SDC1: variants seen among roughly 807,000 people sequenced by gnomAD.
SDC1 encodes syndecan 1, also known as syndecan-1.
A neutral mutation model predicts 29.7 loss-of-function variants in SDC1; 14 were observed. The ratio of observed to expected loss-of-function variants is 0.47; its 90% CI spans 0.31 to 0.74. SDC1 has a LOEUF of 0.74. Ranked by LOEUF, SDC1 falls within the 30% of genes least tolerant of loss-of-function variation. SDC1 has a pLI of 0.05. For synonymous variants in SDC1, 204 were observed against 175.5 expected (o/e 1.16, Z -1.29); for missense variants, 406 against 400.3 (o/e 1.01, Z -0.12).
At chr2:20,222,612 C>T (rs1677857802) in intron 1 of SDC1, among the ~76,000 whole-genome samples, 1 of 152,170 alleles carries the variant, frequency 6.6e-6, no homozygotes, top group Non-Finnish European at 1.5e-5. Context: ...CAGGGAGTCT[C>T]CCTCCTTTCC....
chr2:20,224,057 G>C lies in SDC1; in HGVS notation c.66+745C>G. 1 of 272,330 alleles carries C rather than the reference G, an allele frequency of 3.7e-6. No homozygotes were observed. The highest frequency in any genetic ancestry group is 4.8e-5 in the Admixed American group (1 of 20,620). 16.9% of individuals were successfully genotyped at this position (272,330 alleles called of 1,614,324 possible). A position where few individuals can be genotyped will look rare whatever the true frequency, so the allele number is the denominator to read the frequency against. On this transcript the variant is annotated intron_variant, in intron 1 of 4. Coordinates refer to ENST00000254351, the MANE Select transcript of SDC1 (RefSeq NM_002997.5). This position sits in a 1 kb window ranked among gnomAD's most constrained non-coding sequence, Gnocchi z 4.9. ...TCGCGTGGAAGGCGCCTGCGCCTCG[G>C]CCGTGCCCGGCACGGGAACGCGCCC...
intron 1 of SDC1, among the ~76,000 whole-genome samples, chr2:20,213,763 G>A (rs1485826235): frequency 6.6e-6 from 1 of 152,368 alleles, no homozygotes; most frequent in East Asian, 1.9e-4. Context: ...GGGCACCTCT[G>A]CCAGATGGAC....
chr2:20,206,904 C>G (rs1486167106), intron 1 of SDC1, among the ~76,000 whole-genome samples: 1 of 152,212 alleles, frequency 6.6e-6, no homozygotes, highest in Non-Finnish European at 1.5e-5. Context: ...TGCCAGCAGG[C>G]CTGTCTAGAA....
At position 20,205,413 on chromosome 2, in the gene SDC1, A is replaced by G; in HGVS notation, c.78T>C (p.Ala26=). ...CTTGATCTTCAGGGGGCAAATTAGT[A>G]GCCACAATTTGCTGGAAAAGGATCA... ...SLQPALPQIV[A]TNLPPEDQDG... is the part of the protein sequence containing the mutation. The change falls in exon 2 of 5, where the codon GCT becomes GCC. Residue 26 remains alanine (A), a synonymous_variant. Transcript: ENST00000254351. 1 of 1,613,710 alleles carries G rather than the reference A, an allele frequency of 6.2e-7. No individual in the cohort carries two copies. Among genetic ancestry groups the G allele is most frequent in the Non-Finnish European group, 8.5e-7 (1 of 1,179,644 alleles).
intron 4 of SDC1, 76 bp from the exon 5 acceptor site, chr2:20,203,011 C>A: frequency 6.4e-7 from 1 of 1,566,772 alleles, no homozygotes; most frequent in Non-Finnish European, 8.7e-7. Flanking sequence ...AAAGCAGTGG[C>A]CTTGGCTGTG....
rs1456881749 is a variant in SDC1, at chr2:20,204,203, T to C, written c.237A>G (p.Glu79=). Residue 79 remains glutamate (E), a synonymous_variant, in exon 3 of 5, where the codon GAA becomes GAG. Transcript: ENST00000254351. ...QLLTAIPTSP[E]PTGLEATAAS... Reference sequence around the variant, plus strand: ...CAGCTGTAGCCTCCAGGCCGGTGGGTTCTGGAGACGTGGGAATAGCCGTCA... The same window carrying C: ...CAGCTGTAGCCTCCAGGCCGGTGGGCTCTGGAGACGTGGGAATAGCCGTCA... The C allele has an allele frequency of 1.9e-6, 3 of 1,598,956 alleles. No homozygotes were observed. Among genetic ancestry groups the C allele is most frequent in the Non-Finnish European group, 2.5e-6 (3 of 1,179,730 alleles).
At chr2:20,217,264 T>G (rs1677656274) in intron 1 of SDC1, among the ~76,000 whole-genome samples, 1 of 152,128 alleles carries the variant, frequency 6.6e-6, no homozygotes, top group Admixed American at 6.5e-5. Context: ...TCTCGTCTGG[T>G]TCCAGTAACA....
At position 20,218,838 on chromosome 2, in the gene SDC1, C is replaced by T. The variant is rs375139060; in HGVS notation, c.66+5964G>A. 2.5e-3 allele frequency among the ~76,000 whole-genome samples: 388 copies of T among 152,242 alleles called. 2 individuals carry two copies. Among genetic ancestry groups the T allele is most frequent in the African/African-American group, 8.7e-3 (363 of 41,542 alleles). ...ACGCAGACACACACACACACAGACA[C>T]ACACACACACAGCATCTCATGGTGC... On this transcript the variant is annotated intron_variant, in intron 1 of 4. Coordinates refer to ENST00000254351, the MANE Select transcript of SDC1 (RefSeq NM_002997.5).
intron 1 of SDC1, among the ~76,000 whole-genome samples, chr2:20,218,818 G>GACAC (rs758566853): frequency 2.0e-5 from 3 of 149,976 alleles, no homozygotes; most frequent in Non-Finnish European, 4.5e-5. Context: ...TACACACGCA[G>GACAC]ACACACACAC....
chr2:20,216,350 C>T (rs879769041), intron 1 of SDC1, among the ~76,000 whole-genome samples: 191 of 152,314 alleles, frequency 1.3e-3, no homozygotes, highest in Non-Finnish European at 2.1e-3. Flanking sequence ...CGCCCGGACC[C>T]TCCCCGATAC....
rs1677164613 is a variant in SDC1, at chr2:20,204,227, C to T, written c.213G>A (p.Leu71=). The change falls in exon 3 of 5, where the codon CTG becomes CTA. Residue 71 remains leucine, a synonymous_variant. Transcript: ENST00000254351. ...GTTCTGGAGACGTGGGAATAGCCGTCAGGAGCTGCGTGTCCTTCCAAGTGG... is the reference window on the plus strand; with the variant it reads ...GTTCTGGAGACGTGGGAATAGCCGTTAGGAGCTGCGTGTCCTTCCAAGTGG... ...TPSTWKDTQL[L]TAIPTSPEPT... is the part of the protein sequence containing the mutation. The T allele has an allele frequency of 6.3e-7, 1 of 1,594,914 alleles. No homozygotes were observed. Among genetic ancestry groups the T allele is most frequent in the Non-Finnish European group, 8.5e-7 (1 of 1,177,390 alleles).
At chr2:20,208,738 G>A (rs2148286785) in intron 1 of SDC1, among the ~76,000 whole-genome samples, 1 of 152,320 alleles carries the variant, frequency 6.6e-6, no homozygotes, top group South Asian at 2.1e-4. Flanking sequence ...CCTGGCCACG[G>A]CTCAAGGCTG....
rs1389628735 is a variant in SDC1, at chr2:20,202,545, T to C, written c.*221A>G. 5.0e-6 allele frequency: 3 copies of C among 600,628 alleles called. No homozygotes were observed. In the African/African-American group the frequency reaches 5.6e-5, roughly 11 times the overall value. The allele number at this position is 600,628 out of a possible 1,614,324, so 37.2% of individuals were successfully genotyped here. A position where few individuals can be genotyped will look rare whatever the true frequency, so the allele number is the denominator to read the frequency against. ...TGCTGGCTGTGGTGGAAAGGTCCTA[T>C]GCGAGAAACCCCTGGTGCCCTAAGT... On this transcript the variant is annotated 3_prime_UTR_variant, in exon 5 of 5. Coordinates refer to ENST00000254351, the MANE Select transcript of SDC1 (RefSeq NM_002997.5).
rs1391341066 is a variant in SDC1, at chr2:20,224,144, G to A, written c.66+658C>T. Reference sequence around the variant, plus strand: ...GGCTCCTCCGGGTCTCCAGCGTTCCGAGGCCAACTTCCCGGAACCTCCCGC... The same window carrying A: ...GGCTCCTCCGGGTCTCCAGCGTTCCAAGGCCAACTTCCCGGAACCTCCCGC... On this transcript the variant is annotated intron_variant, in intron 1 of 4. Coordinates refer to ENST00000254351, the MANE Select transcript of SDC1 (RefSeq NM_002997.5). The surrounding 1 kb of genome is among the most constrained non-coding windows in gnomAD (Gnocchi z 4.9). 1.4e-5 allele frequency: 6 copies of A among 426,756 alleles called. No homozygotes were observed. The highest frequency in any genetic ancestry group is 1.1e-4 in the African/African-American group (5 of 46,276). 26.4% of individuals were successfully genotyped at this position (426,756 alleles called of 1,614,324 possible).
In SDC1 at chr2:20,224,698, G is replaced by C; in HGVS notation, c.66+104C>G. 2 of 1,186,182 alleles carry C rather than the reference G, an allele frequency of 1.7e-6. No individual in the cohort carries two copies. The highest frequency in any genetic ancestry group is 3.4e-5 in the South Asian group (1 of 29,600). 73.5% of individuals were successfully genotyped at this position (1,186,182 alleles called of 1,614,324 possible). On this transcript the variant is annotated intron_variant, in intron 1 of 4. Transcript: ENST00000254351. The surrounding 1 kb of genome is among the most constrained non-coding windows in gnomAD (Gnocchi z 4.9). ...CCGCTGGGCTAGCGCGGGAAGAAGG[G>C]AAGTCTTCGCTCCCCCTCCCCCTCC...
In SDC1 at chr2:20,203,088, T is replaced by G. The variant is rs751220558; in HGVS notation, c.762A>C (p.Gly254=). 7 of 1,596,264 alleles carry G rather than the reference T, an allele frequency of 4.4e-6. No individual in the cohort carries two copies. The South Asian group carries it at 7.8e-5, about 18-fold the overall frequency. The change falls in exon 4 of 5, where the codon GGA becomes GGC. Residue 254 remains glycine (G), a splice_region_variant and synonymous_variant. Transcript: ENST00000254351. ...CTACCCCCCTGAAAGAAAACTCACCTCCCAGCACCTCTTTCCTGTCCAGGA... is the reference window on the plus strand; with the variant it reads ...CTACCCCCCTGAAAGAAAACTCACCGCCCAGCACCTCTTTCCTGTCCAGGA... ...QGLLDRKEVL[G]GVIAGGLVGL... is the part of the protein sequence containing the mutation.
chr2:20,206,259 G>C (rs948869493), intron 1 of SDC1, among the ~76,000 whole-genome samples: 9 of 152,246 alleles, frequency 5.9e-5, no homozygotes, highest in African/African-American at 1.9e-4. Flanking sequence ...CTGGCAAACA[G>C]CAGTCCCAGG....
chr2:20,203,401 C>T (rs757776490), intron 3 of SDC1, among the ~76,000 whole-genome samples, 179 bp from the exon 4 acceptor site: 11 of 152,224 alleles, frequency 7.2e-5, no homozygotes, highest in South Asian at 2.1e-4. Context: ...ACATCAACTC[C>T]GGACCCTGGC....
chr2:20,203,750 T>C, intron 3 of SDC1, 63 bp downstream of exon 3: 2 of 1,227,484 alleles, frequency 1.6e-6, no homozygotes, highest in Non-Finnish European at 2.3e-6. Context: ...GTGTAGGGCC[T>C]GCCAAGTGCC....
Sources: allele counts gnomAD v4.1 joint callset (sites outside exome capture counted in the v4.1 genomes callset), GRCh38; gene constraint gnomAD v4.1.1; non-coding constraint Gnocchi (gnomAD v3.1); transcripts MANE v1.5; gene names NCBI Gene and HGNC (gene_info 2026-07-23, HGNC 2026-07-21).